ZNF654: variants seen among roughly 807,000 people sequenced by gnomAD.
ZNF654 encodes zinc finger protein 654, also known as melanoma-associated antigen.
Under a neutral mutation model 95.3 loss-of-function variants are expected in ZNF654, and 19 were observed. That is an observed-to-expected ratio of 0.20 (90% CI 0.14 to 0.29). The LOEUF (loss-of-function observed/expected upper bound fraction) is 0.29. ZNF654 is among the 10% of genes least tolerant of loss of function. ZNF654 has a pLI of 1.00. For synonymous variants in ZNF654, 413 were observed against 457.9 expected (o/e 0.90, Z 1.25); for missense variants, 1,046 against 1,341.0 (o/e 0.78, Z 3.44).
At chr3:88,070,996 T>C (rs1469358481) in intron 1 of ZNF654, among the ~76,000 whole-genome samples, 2 of 152,130 alleles carry the variant, frequency 1.3e-5, no homozygotes, top group Non-Finnish European at 2.9e-5. Context: ...GGGAAAGATA[T>C]AAAACGTAGG....
chr3:88,060,993 C>A (rs1185410116), intron 1 of ZNF654, among the ~76,000 whole-genome samples: 1 of 152,042 alleles, frequency 6.6e-6, no homozygotes, highest in Non-Finnish European at 1.5e-5. Context: ...TATTTAATGA[C>A]TTTCTTGAAA....
At chr3:88,086,070 G>T (rs1315741006) in intron 1 of ZNF654, among the ~76,000 whole-genome samples, 187 bp from the exon 2 acceptor site, 6 of 152,124 alleles carry the variant, frequency 3.9e-5, no homozygotes, top group African/African-American at 1.4e-4. Context: ...TCTTTTCAAA[G>T]ATAATAATTG....
Position 88,095,347 on chromosome 3 carries a change from A to G in ZNF654, c.332+8945A>G, listed in dbSNP as rs59437769. ...TTAGGATAGAAAGGGGTGGGGAGAA[A>G]GGAAGAGACAGGAATGTGAATGTAT... On this transcript the variant is annotated intron_variant, in intron 2 of 8. Coordinates refer to ENST00000636215, the MANE Select transcript of ZNF654 (RefSeq NM_001350134.2). 477 of 267,638 alleles carry G rather than the reference A, an allele frequency of 1.8e-3. 4 individuals carry two copies. Among genetic ancestry groups the G allele is most frequent in the African/African-American group, 0.011 (456 of 43,012 alleles). The allele number at this position is 267,638 out of a possible 1,614,324, so 16.6% of individuals were successfully genotyped here.
intron 1 of ZNF654, among the ~76,000 whole-genome samples, chr3:88,083,941 T>TATATATATATATATATA (rs1708208971): frequency 2.5e-4 from 37 of 147,674 alleles, no homozygotes; most frequent in Non-Finnish European, 3.2e-4. Context: ...TGTACTTATT[T>TATATATATATATATATA]TATATATATA....
At position 88,142,314 on chromosome 3, in the gene ZNF654, T is replaced by C. The variant is rs1402000373; in HGVS notation, c.*662T>C. 6.6e-6 allele frequency: 1 copy of C among 151,402 alleles called. No individual in the cohort carries two copies. Among genetic ancestry groups the C allele is most frequent in the Non-Finnish European group, 1.5e-5 (1 of 67,642 alleles). 9.4% of individuals were successfully genotyped at this position (151,402 alleles called of 1,614,324 possible). A position where few individuals can be genotyped will look rare whatever the true frequency, so the allele number is the denominator to read the frequency against. On this transcript the variant is annotated 3_prime_UTR_variant, in exon 9 of 9. Coordinates refer to ENST00000636215, the MANE Select transcript of ZNF654 (RefSeq NM_001350134.2). ...AACAAAACAAAAAAAACCACAGTGC[T>C]TTGCTAATAAGCTCTTGATAGAACC...
intron 1 of ZNF654, among the ~76,000 whole-genome samples, chr3:88,070,382 T>C (rs1338491819): frequency 6.6e-6 from 1 of 152,088 alleles, no homozygotes; most frequent in Non-Finnish European, 1.5e-5. Flanking sequence ...ACGTAATGAT[T>C]GAGGTAAAGT....
rs1423833022 is a variant in ZNF654, at chr3:88,140,030, A to G, written c.2361A>G (p.Gly787=). 1 of 1,613,672 alleles carries G rather than the reference A, an allele frequency of 6.2e-7. No individual in the cohort carries two copies. The highest frequency in any genetic ancestry group is 1.3e-5 in the African/African-American group (1 of 74,934). Residue 787 remains glycine (G), a synonymous_variant, in exon 8 of 9, where the codon GGA becomes GGG. Transcript: ENST00000636215. ...VRQTVMKWSK[G]KCKFCQRQFE... is the part of the protein sequence containing the mutation. The stretch of plus-strand genomic sequence containing the variant: ...AAACAGTAATGAAGTGGAGCAAAGG[A>G]AAATGCAAATTTTGTCAAAGGCAAT...
At chr3:88,098,727 A>C (rs1274542080) in intron 2 of ZNF654, among the ~76,000 whole-genome samples, 1 of 152,218 alleles carries the variant, frequency 6.6e-6, no homozygotes, top group African/African-American at 2.4e-5. Flanking sequence ...CCAAAGACAA[A>C]AACCACATGA....
chr3:88,075,287 C>T lies in ZNF654; in HGVS notation c.187-10970C>T, dbSNP rs1339106065. ...CGCTTCAAGCATAGTCATTTCCTTGCAGCCTCCACAACCTGTGTTCTGCTC... is the reference window on the plus strand; with the variant it reads ...CGCTTCAAGCATAGTCATTTCCTTGTAGCCTCCACAACCTGTGTTCTGCTC... On this transcript the variant is annotated intron_variant, in intron 1 of 8. Coordinates refer to ENST00000636215, the MANE Select transcript of ZNF654 (RefSeq NM_001350134.2). Among the ~76,000 whole-genome samples the T allele has an allele frequency of 3.9e-5, 6 of 152,238 alleles. No individual in the cohort carries two copies. In the East Asian group the frequency reaches 9.6e-4, roughly 24 times the overall value.
intron 3 of ZNF654, among the ~76,000 whole-genome samples, chr3:88,113,885 C>T (rs568894697): frequency 6.6e-5 from 10 of 152,154 alleles, no homozygotes; most frequent in South Asian, 6.2e-4. Flanking sequence ...GTATTAGGTA[C>T]GTTATATTGA....
Position 88,141,797 on chromosome 3 carries a change from T to G in ZNF654, c.*145T>G, listed in dbSNP as rs894755205. 1.1e-5 allele frequency: 6 copies of G among 550,394 alleles called. No homozygotes were observed. Among genetic ancestry groups the G allele is most frequent in the Non-Finnish European group, 1.8e-5 (6 of 335,448 alleles). The allele number at this position is 550,394 out of a possible 1,614,324, so 34.1% of individuals were successfully genotyped here. On this transcript the variant is annotated 3_prime_UTR_variant, in exon 9 of 9. Coordinates refer to ENST00000636215, the MANE Select transcript of ZNF654 (RefSeq NM_001350134.2). ...CTAAAGATAAAGACAAAGCACATTT[T>G]CTAGAATGAACTCACAGAGATGTGC...
At chr3:88,088,586 A>G (rs1708458296) in intron 2 of ZNF654, among the ~76,000 whole-genome samples, 1 of 152,234 alleles carries the variant, frequency 6.6e-6, no homozygotes, top group Non-Finnish European at 1.5e-5. Flanking sequence ...GAAATCCAGA[A>G]TGTAAAACAA....
intron 1 of ZNF654, among the ~76,000 whole-genome samples, chr3:88,070,418 G>C (rs1707436941): frequency 6.6e-6 from 1 of 151,446 alleles, no homozygotes; most frequent in Non-Finnish European, 1.5e-5. Flanking sequence ...TTGGTGAGCA[G>C]ATCCAAATTT....
intron 2 of ZNF654, among the ~76,000 whole-genome samples, chr3:88,098,659 A>C (rs1368623357): frequency 6.6e-6 from 1 of 152,200 alleles, no homozygotes; most frequent in East Asian, 1.9e-4. Flanking sequence ...CATCCCTGGG[A>C]TGCAAGGCTG....
intron 2 of ZNF654, among the ~76,000 whole-genome samples, chr3:88,103,175 T>A (rs1013109137): frequency 9.2e-5 from 14 of 152,014 alleles, no homozygotes; most frequent in South Asian, 2.1e-4. Context: ...CATTTTTTTT[T>A]AAAAAAGAGA....
At chr3:88,121,771 C>T (rs1471474463) in intron 3 of ZNF654, among the ~76,000 whole-genome samples, 1 of 152,036 alleles carries the variant, frequency 6.6e-6, no homozygotes, top group African/African-American at 2.4e-5. Flanking sequence ...TAATATTAAC[C>T]ATATTGAAGA....
rs1441083452 is a variant in ZNF654 at position 88,140,352 on chromosome 3, A to T, written c.2683A>T (p.Asn895Tyr). The change falls in exon 8 of 9, where the codon AAT becomes TAT. Residue 895 changes from asparagine to tyrosine, a missense_variant. Coordinates refer to ENST00000636215, the MANE Select transcript of ZNF654 (RefSeq NM_001350134.2). ...LWDVQTDSNP[N>Y]QEKDSSSNEK... Reference sequence around the variant, plus strand: ...GGATGTTCAGACAGACTCAAATCCTAATCAGGAAAAAGACTCATCTAGTAA... The same window carrying T: ...GGATGTTCAGACAGACTCAAATCCTTATCAGGAAAAAGACTCATCTAGTAA... 1 of 1,613,246 alleles carries T rather than the reference A, an allele frequency of 6.2e-7. No individual in the cohort carries two copies. The highest frequency in any genetic ancestry group is 8.5e-7 in the Non-Finnish European group (1 of 1,179,582).
At chr3:88,062,742 T>G (rs890369629) in intron 1 of ZNF654, among the ~76,000 whole-genome samples, 1 of 152,162 alleles carries the variant, frequency 6.6e-6, no homozygotes, top group African/African-American at 2.4e-5. Context: ...TTAAAATTAT[T>G]TCATACTACA....
chr3:88,059,266 C>G lies in ZNF654; in HGVS notation c.-54C>G. On this transcript the variant is annotated 5_prime_UTR_variant, in exon 1 of 9. The change creates a new upstream start codon in the 5' untranslated region. Coordinates refer to ENST00000636215, the MANE Select transcript of ZNF654 (RefSeq NM_001350134.2). ...AGGAGGAGGAGGTTAGCCTAGGCAT[C>G]TACGGCGGCGGCGGCGGCGCAGGGG... 6.5e-7 allele frequency: 1 copy of G among 1,531,922 alleles called. No individual in the cohort carries two copies. Among genetic ancestry groups the G allele is most frequent in the Non-Finnish European group, 8.7e-7 (1 of 1,145,808 alleles). 94.9% of individuals were successfully genotyped at this position (1,531,922 alleles called of 1,614,324 possible). A position where few individuals can be genotyped will look rare whatever the true frequency, so the allele number is the denominator to read the frequency against.
Sources: allele counts gnomAD v4.1 joint callset (sites outside exome capture counted in the v4.1 genomes callset), GRCh38; gene constraint gnomAD v4.1.1; transcripts MANE v1.5; gene names NCBI Gene and HGNC (gene_info 2026-07-23, HGNC 2026-07-21).